Variants in GPATCH2 observed in about 807,000 individuals in gnomAD.
GPATCH2 encodes G-patch domain containing 2.
Under a neutral mutation model 58.0 loss-of-function variants are expected in GPATCH2, and 51 were observed. That is an observed-to-expected ratio of 0.88 (90% confidence interval 0.70 to 1.11). The LOEUF (loss-of-function observed/expected upper bound fraction) is 1.11. Ranked by LOEUF, GPATCH2 falls within the 50% of genes most tolerant of loss-of-function variation. The pLI is 0.00. For missense variants in GPATCH2, 625 were observed against 652.2 expected, an observed-to-expected ratio of 0.96 and a Z score of 0.45; for synonymous variants, 222 against 218.5, an observed-to-expected ratio of 1.02 and a Z score of -0.14.
chr1:217,460,949 G>C (rs1660171907), intron 8 of GPATCH2, among the ~76,000 whole-genome samples: 1 of 152,166 alleles, frequency 6.6e-6, no homozygotes, highest in Non-Finnish European at 1.5e-5. Context: ...GGCAAATACA[G>C]GCTGAAGACT....
At chr1:217,569,178 G>T (rs536839966) in intron 5 of GPATCH2, among the ~76,000 whole-genome samples, 1 of 151,626 alleles carries the variant, frequency 6.6e-6, no homozygotes, top group South Asian at 2.1e-4. Flanking sequence ...TACAGATGAC[G>T]AAATGGGAGT....
intron 1 of GPATCH2, among the ~76,000 whole-genome samples, chr1:217,622,043 A>G (rs1011607424): frequency 2.0e-5 from 3 of 152,216 alleles, no homozygotes; most frequent in Non-Finnish European, 4.4e-5. Flanking sequence ...CAGAGCTCCA[A>G]TGTTCACCAA....
At chr1:217,541,185 T>C (rs1037753541) in intron 5 of GPATCH2, among the ~76,000 whole-genome samples, 13 of 152,184 alleles carry the variant, frequency 8.5e-5, no homozygotes, top group Admixed American at 5.2e-4. Flanking sequence ...GCTTCTATCA[T>C]CCTAAGTTTG....
chr1:217,499,526 C>T (rs1662193234), intron 6 of GPATCH2, among the ~76,000 whole-genome samples: 1 of 152,096 alleles, frequency 6.6e-6, no homozygotes, highest in Non-Finnish European at 1.5e-5. Flanking sequence ...CATTAATAGG[C>T]CTTGTTTAGG....
intron 8 of GPATCH2, among the ~76,000 whole-genome samples, chr1:217,449,970 C>T (rs775955783): frequency 5.3e-5 from 8 of 151,768 alleles, no homozygotes; most frequent in African/African-American, 9.7e-5. Flanking sequence ...ATATAAAAAC[C>T]GAGAAGTGGA....
chr1:217,511,601 G>A lies in GPATCH2; in HGVS notation c.1166+3221C>T, dbSNP rs192777484. 2.1e-4 allele frequency among the ~76,000 whole-genome samples: 32 copies of A among 152,288 alleles called. 1 individual carries two copies. The highest frequency in any genetic ancestry group is 6.8e-3 in the Middle Eastern group (2 of 292). On this transcript the variant is annotated intron_variant, in intron 6 of 9. Transcript: ENST00000366935. The stretch of plus-strand genomic sequence containing the variant: ...GTATAGAACCACTTATTCCAGCTAG[G>A]AAGTTGGGGAAGCATATAACTAAAA...
chr1:217,616,486 C>T (rs1186199495), intron 2 of GPATCH2, among the ~76,000 whole-genome samples: 1 of 152,066 alleles, frequency 6.6e-6, no homozygotes, highest in Non-Finnish European at 1.5e-5. Flanking sequence ...ATCAGAATTC[C>T]CTCTCTTCCA....
chr1:217,580,979 GC>G (rs1045590880), intron 5 of GPATCH2, among the ~76,000 whole-genome samples: 1 of 35,958 alleles, frequency 2.8e-5, no homozygotes, highest in Non-Finnish European at 5.8e-5. Context: ...ACTGCAGTCC[GC>G]AGTCCAGCCT....
chr1:217,540,501 T>C (rs1332713857), intron 5 of GPATCH2, among the ~76,000 whole-genome samples: 1 of 152,234 alleles, frequency 6.6e-6, no homozygotes, highest in African/African-American at 2.4e-5. Context: ...TCTTGTGTTT[T>C]CAAAAATATA....
At chr1:217,494,771 T>A (rs1661927070) in intron 7 of GPATCH2, among the ~76,000 whole-genome samples, 1 of 148,990 alleles carries the variant, frequency 6.7e-6, no homozygotes, top group Non-Finnish European at 1.5e-5. Flanking sequence ...CCCAACATAT[T>A]TTTTTTTAAA....
At chr1:217,449,929 T>G (rs1220147069) in intron 8 of GPATCH2, among the ~76,000 whole-genome samples, 1 of 152,170 alleles carries the variant, frequency 6.6e-6, no homozygotes, top group Non-Finnish European at 1.5e-5. Flanking sequence ...CATTCTAACA[T>G]GATACTGGAT....
At chr1:217,456,428 G>A (rs1404778664) in intron 8 of GPATCH2, among the ~76,000 whole-genome samples, 3 of 152,098 alleles carry the variant, frequency 2.0e-5, no homozygotes, top group Non-Finnish European at 2.9e-5. Flanking sequence ...GAACACTCCC[G>A]TTTTAGCACC....
chr1:217,558,780 T>C (rs576479201), intron 5 of GPATCH2, among the ~76,000 whole-genome samples: 76 of 152,228 alleles, frequency 5.0e-4, no homozygotes, highest in South Asian at 2.5e-3. Flanking sequence ...AGACCTGTTC[T>C]ACAAAAGGTT....
intron 8 of GPATCH2, among the ~76,000 whole-genome samples, chr1:217,476,574 G>C (rs1660979871): frequency 6.6e-6 from 1 of 152,102 alleles, no homozygotes. Context: ...TCTAGGGTGA[G>C]GGAGAGCACA....
intron 3 of GPATCH2, among the ~76,000 whole-genome samples, chr1:217,611,666 T>G (rs921727924): frequency 1.3e-5 from 2 of 152,150 alleles, no homozygotes; most frequent in South Asian, 2.1e-4. Flanking sequence ...ATGATTTGTA[T>G]GGAGTGTAAA....
At chr1:217,560,471 T>C (rs1211612467) in intron 5 of GPATCH2, among the ~76,000 whole-genome samples, 2 of 152,224 alleles carry the variant, frequency 1.3e-5, no homozygotes, top group African/African-American at 4.8e-5. Context: ...TTTTTCCATT[T>C]CTGCACAAAC....
At position 217,619,788 on chromosome 1, in the gene GPATCH2, A is replaced by T; in HGVS notation, c.768T>A (p.Ser256Arg). ...EEQKVSDELM[S>R]ESDSSSLSST... ...TTAGAGAATATAAAAGTCACCTTTC[A>T]CTCATGAGCTCATCTGAGACTTTTT... is the stretch of plus-strand genomic sequence containing the variant. Residue 256 changes from serine to arginine, a missense_variant, in exon 2 of 10, where the codon AGT becomes AGA. Physicochemically the swap from Ser to Arg is moderately radical, Grantham distance 110. Transcript: ENST00000366935. 1 of 1,456,660 alleles carries T rather than the reference A, an allele frequency of 6.9e-7. No homozygotes were observed. The highest frequency in any genetic ancestry group is 9.3e-7 in the Non-Finnish European group (1 of 1,070,344). The allele number at this position is 1,456,660 out of a possible 1,614,324, so 90.2% of individuals were successfully genotyped here. A position where few individuals can be genotyped will look rare whatever the true frequency, so the allele number is the denominator to read the frequency against.
At chr1:217,487,402 A>C (rs949580418) in intron 8 of GPATCH2, among the ~76,000 whole-genome samples, 4 of 151,494 alleles carry the variant, frequency 2.6e-5, no homozygotes, top group Non-Finnish European at 4.4e-5. Flanking sequence ...CTTCTGACAC[A>C]TGAGTTGCTT....
chr1:217,489,416 C>T (rs1186530360), intron 8 of GPATCH2, among the ~76,000 whole-genome samples: 1 of 152,192 alleles, frequency 6.6e-6, no homozygotes, highest in Non-Finnish European at 1.5e-5. Flanking sequence ...ATGAAGTAGA[C>T]ATCTTAAACA....
Sources: gnomAD v4.1 joint callset for allele counts (sites outside exome capture counted in the v4.1 genomes callset) on GRCh38, gnomAD v4.1.1 for gene constraint, MANE v1.5 for transcripts, NCBI Gene and HGNC (gene_info 2026-07-23, HGNC 2026-07-21) for gene names.